The following CUL1 variants were observed in gnomAD, a reference collection of about 807,000 sequenced individuals.
CUL1 encodes the protein cullin-1.
Under a neutral mutation model 118.0 loss-of-function variants are expected in CUL1, and 24 were observed. The observed-to-expected ratio is 0.20, with a 90% confidence interval of 0.15 to 0.29. CUL1 has a LOEUF of 0.29. CUL1 is among the 10% of genes least tolerant of loss of function. The pLI is 1.00. For synonymous variants in CUL1, 332 were observed against 340.4 expected (o/e 0.98, Z 0.27); for missense variants, 361 against 933.8 (o/e 0.39, Z 7.99).
upstream of CUL1, chr7:148,698,614 C>A (rs1230943905): frequency 1.3e-5 from 2 of 151,786 alleles, no homozygotes; most frequent in Non-Finnish European, 2.9e-5. Flanking sequence ...CAGCGGCGAG[C>A]GGGCGGGAGG....
chr7:148,699,783 G>C (rs981898014), intron 1 of CUL1, among the ~76,000 whole-genome samples: 3 of 152,054 alleles, frequency 2.0e-5, no homozygotes, highest in African/African-American at 7.2e-5. Context: ...CTCGCTAGTC[G>C]GGCCGGGCCC....
chr7:148,720,956 G>T (rs1365353031), intron 1 of CUL1, among the ~76,000 whole-genome samples: 3 of 152,238 alleles, frequency 2.0e-5, no homozygotes, highest in African/African-American at 7.2e-5. Flanking sequence ...TGCCTAGGCA[G>T]TTTTACCTAA....
chr7:148,722,772 TC>T (rs927145976), intron 1 of CUL1, among the ~76,000 whole-genome samples: 2 of 152,242 alleles, frequency 1.3e-5, no homozygotes, highest in African/African-American at 2.4e-5. Flanking sequence ...TGTGTTTTGT[TC>T]TAGTCATTTG....
chr7:148,722,085 T>C (rs1798414914), intron 1 of CUL1, among the ~76,000 whole-genome samples: 1 of 152,138 alleles, frequency 6.6e-6, no homozygotes, highest in Non-Finnish European at 1.5e-5. Flanking sequence ...GGAGTGAGAT[T>C]AGGAAAATAC....
chr7:148,704,224 G>GA (rs561502704), intron 1 of CUL1, among the ~76,000 whole-genome samples: 149 of 142,708 alleles, frequency 1.0e-3, no homozygotes, highest in Middle Eastern at 4.2e-3. Context: ...CAGGAAACAT[G>GA]AAAAAACTTT....
chr7:148,759,383 T>A, intron 5 of CUL1, 29 bp downstream of exon 5: 3 of 1,611,722 alleles, frequency 1.9e-6, no homozygotes, highest in African/African-American at 2.7e-5. Context: ...GTGTGCATGT[T>A]CCTTTTAAAA....
At position 148,798,024 on chromosome 7, in the gene CUL1, G is replaced by A; in HGVS notation, c.2030+5G>A. 6.5e-7 allele frequency: 1 copy of A among 1,546,306 alleles called. No homozygotes were observed. Among genetic ancestry groups the A allele is most frequent in the Non-Finnish European group, 8.9e-7 (1 of 1,122,178 alleles). ...ATTATATCTTGGTTATAAAAAGTAA[G>A]AAAAATCTAATAAGTAGATGGCCCT... On this transcript the variant is annotated splice_donor_5th_base_variant and intron_variant, in intron 19 of 21. Transcript: ENST00000325222.
chr7:148,718,745 T>A (rs1563149055), intron 1 of CUL1, among the ~76,000 whole-genome samples: 2 of 152,114 alleles, frequency 1.3e-5, no homozygotes, highest in Admixed American at 1.3e-4. Context: ...GGGGTAGATA[T>A]CTGGTAGAAT....
rs563229759 is a variant in CUL1 at position 148,713,989 on chromosome 7, G to C, written c.-162+14960G>C. Reference sequence around the variant, plus strand: ...CCTGCCTCGGCCTCCCAAAGTTCTGGGATTACAGGCGTGAGCCACCACGCC... The same window carrying C: ...CCTGCCTCGGCCTCCCAAAGTTCTGCGATTACAGGCGTGAGCCACCACGCC... On this transcript the variant is annotated intron_variant, in intron 1 of 21. Transcript: ENST00000325222. Among the ~76,000 whole-genome samples, 17 of 152,246 alleles carry C rather than the reference G, an allele frequency of 1.1e-4. 1 individual carries two copies. Among genetic ancestry groups the C allele is most frequent in the African/African-American group, 4.1e-4 (17 of 41,538 alleles).
At chr7:148,706,635 A>G (rs893694034) in intron 1 of CUL1, among the ~76,000 whole-genome samples, 1 of 125,484 alleles carries the variant, frequency 8.0e-6, no homozygotes, top group Non-Finnish European at 1.6e-5. Flanking sequence ...CATGTTCTAT[A>G]TATAGGGGAC....
At chr7:148,781,382 A>T (rs1800627574) in intron 9 of CUL1, among the ~76,000 whole-genome samples, 1 of 152,084 alleles carries the variant, frequency 6.6e-6, no homozygotes, top group Non-Finnish European at 1.5e-5. Flanking sequence ...CGCCCGGCCA[A>T]GGCCAGTGTT....
chr7:148,739,040 C>T (rs1030877752), intron 2 of CUL1, among the ~76,000 whole-genome samples: 3 of 152,174 alleles, frequency 2.0e-5, no homozygotes, highest in African/African-American at 4.8e-5. Flanking sequence ...TTCACACAGG[C>T]GCCCTTCAGG....
intron 19 of CUL1, among the ~76,000 whole-genome samples, 180 bp downstream of exon 19, chr7:148,798,199 C>G (rs951987111): frequency 1.3e-5 from 2 of 152,068 alleles, no homozygotes; most frequent in Admixed American, 1.3e-4. Flanking sequence ...TGATGTTTCT[C>G]CAATTCTGAG....
rs527649424 is a variant in CUL1, at chr7:148,783,084, G to A, written c.1084-699G>A. Among the ~76,000 whole-genome samples the A allele has an allele frequency of 2.6e-5, 4 of 152,216 alleles. No homozygotes were observed. The South Asian group carries it at 8.3e-4, about 32-fold the overall frequency. Reference sequence around the variant, plus strand: ...GGCGGCGTGCGCTGCATGCCTAGCAGCAGCGCTGTTTTTCTCATTAGCACT... The same window carrying A: ...GGCGGCGTGCGCTGCATGCCTAGCAACAGCGCTGTTTTTCTCATTAGCACT... On this transcript the variant is annotated intron_variant, in intron 9 of 21. Coordinates refer to ENST00000325222, the MANE Select transcript of CUL1 (RefSeq NM_003592.3).
chr7:148,703,641 T>C (rs1167951768), intron 1 of CUL1, among the ~76,000 whole-genome samples: 11 of 152,128 alleles, frequency 7.2e-5, no homozygotes, highest in Non-Finnish European at 7.4e-5. Flanking sequence ...CAAGCGCTTC[T>C]CCTGCCTCAG....
intron 17 of CUL1, among the ~76,000 whole-genome samples, chr7:148,795,626 C>T (rs1305716449): frequency 2.0e-5 from 3 of 151,884 alleles, no homozygotes; most frequent in East Asian, 3.9e-4. Flanking sequence ...CAAAATTAGC[C>T]GGGCGTGGTG....
At chr7:148,763,671 A>T (rs549888520) in intron 7 of CUL1, among the ~76,000 whole-genome samples, 2 of 152,316 alleles carry the variant, frequency 1.3e-5, no homozygotes, top group South Asian at 4.1e-4. Flanking sequence ...GCAAAGAGCA[A>T]AGCTAATGTA....
At chr7:148,758,385 C>T (rs1466776521) in intron 4 of CUL1, among the ~76,000 whole-genome samples, 1 of 152,180 alleles carries the variant, frequency 6.6e-6, no homozygotes, top group Non-Finnish European at 1.5e-5. Flanking sequence ...ATGCTGGTTG[C>T]AGTGGCTCAT....
At chr7:148,726,095 G>A (rs1798573753) in intron 1 of CUL1, among the ~76,000 whole-genome samples, 1 of 152,190 alleles carries the variant, frequency 6.6e-6, no homozygotes, top group Non-Finnish European at 1.5e-5. Context: ...TAAACTTGAC[G>A]AGTGTGACAT....
Sources: gnomAD v4.1 joint callset for allele counts (sites outside exome capture counted in the v4.1 genomes callset) on GRCh38, gnomAD v4.1.1 for gene constraint, MANE v1.5 for transcripts, NCBI Gene and HGNC (gene_info 2026-07-23, HGNC 2026-07-21) for gene names.